Variants in PDLIM5 observed in about 807,000 individuals in gnomAD.
PDLIM5 encodes the protein PDZ and LIM domain protein 5.
PDLIM5 carries 34 observed loss-of-function variants against 64.2 expected under a neutral mutation model. The observed-to-expected ratio is 0.53, with a 90% CI of 0.40 to 0.71. The LOEUF (loss-of-function observed/expected upper bound fraction) is 0.71. Among genes scored for constraint, PDLIM5 ranks in the 30% least tolerant of loss-of-function variants. PDLIM5 has a pLI of 0.00. For missense variants in PDLIM5, 683 were observed against 733.6 expected (o/e 0.93, Z 0.80); for synonymous variants, 253 against 269.1 (o/e 0.94, Z 0.59).
At chr4:94,483,488 T>C (rs1033621028) in intron 2 of PDLIM5, among the ~76,000 whole-genome samples, 2 of 152,176 alleles carry the variant, frequency 1.3e-5, no homozygotes, top group East Asian at 3.8e-4. Flanking sequence ...AAAGTTTGTT[T>C]GAATCAGGAC....
intron 1 of PDLIM5, among the ~76,000 whole-genome samples, chr4:94,454,847 C>G (rs1343223687): frequency 6.6e-6 from 1 of 152,146 alleles, no homozygotes; most frequent in Non-Finnish European, 1.5e-5. Flanking sequence ...AGACTCTTGT[C>G]AATTGCAGAC....
chr4:94,606,633 C>T (rs1161013626), intron 7 of PDLIM5, among the ~76,000 whole-genome samples: 1 of 152,182 alleles, frequency 6.6e-6, no homozygotes, highest in Admixed American at 6.5e-5. Context: ...AAGGTCTAAG[C>T]AACAGACATG....
chr4:94,509,300 G>A (rs1055569459), intron 2 of PDLIM5, among the ~76,000 whole-genome samples: 3 of 151,992 alleles, frequency 2.0e-5, no homozygotes, highest in African/African-American at 7.3e-5. Flanking sequence ...ACTTAAAATA[G>A]CATTTCTTGG....
chr4:94,619,660 G>A (rs1027717831), intron 8 of PDLIM5, among the ~76,000 whole-genome samples: 1 of 152,000 alleles, frequency 6.6e-6, no homozygotes, highest in South Asian at 2.1e-4. Context: ...AGAGAGACAG[G>A]ATCTCACTCT....
intron 2 of PDLIM5, among the ~76,000 whole-genome samples, chr4:94,486,986 G>C (rs920304837): frequency 6.6e-6 from 1 of 152,158 alleles, no homozygotes; most frequent in Admixed American, 6.5e-5. Context: ...CTGGGCAACA[G>C]AGTAAGACCC....
intron 7 of PDLIM5, among the ~76,000 whole-genome samples, chr4:94,612,911 AAATAT>A: frequency 6.6e-6 from 1 of 150,932 alleles, no homozygotes; most frequent in South Asian, 2.1e-4. Flanking sequence ...TTTTCCATTA[AAATAT>A]ATTTTTCCAT....
intron 8 of PDLIM5, among the ~76,000 whole-genome samples, chr4:94,636,736 C>T (rs1023812087): frequency 2.6e-5 from 4 of 151,898 alleles, no homozygotes; most frequent in African/African-American, 4.8e-5. Context: ...GGGGTTTCAC[C>T]GTGTTAGCCA....
chr4:94,575,684 A>G lies in PDLIM5; in HGVS notation c.360A>G (p.Thr120=). 1 of 1,613,378 alleles carries G rather than the reference A, an allele frequency of 6.2e-7. No individual in the cohort carries two copies. Among genetic ancestry groups the G allele is most frequent in the Non-Finnish European group, 8.5e-7 (1 of 1,179,524 alleles). The change falls in exon 5 of 13, where the codon ACA becomes ACG. Residue 120 remains threonine, a synonymous_variant. Transcript: ENST00000317968. ...CTGCTGTGTCCAAAGTCACTTCCAC[A>G]AACAACATGGCCTACAATAAGGCAC... The part of the protein sequence containing the change: ...TSPAVSKVTS[T]NNMAYNKAPR...
chr4:94,622,492 A>G (rs1311465852), intron 8 of PDLIM5, among the ~76,000 whole-genome samples: 11 of 152,194 alleles, frequency 7.2e-5, no homozygotes, highest in Admixed American at 6.5e-5. Context: ...AATATAAGCA[A>G]TGCTTTGATA....
At chr4:94,500,272 C>T (rs1388583374) in intron 2 of PDLIM5, among the ~76,000 whole-genome samples, 1 of 152,188 alleles carries the variant, frequency 6.6e-6, no homozygotes, top group African/African-American at 2.4e-5. Context: ...GTTTCTGCAC[C>T]TGTTAGCAAA....
chr4:94,600,482 G>T (rs1031036407), intron 7 of PDLIM5, among the ~76,000 whole-genome samples: 2 of 152,136 alleles, frequency 1.3e-5, no homozygotes, highest in African/African-American at 4.8e-5. Flanking sequence ...TTTCAAACAG[G>T]TAACTTGACT....
At chr4:94,628,088 G>A (rs1285549874) in intron 8 of PDLIM5, among the ~76,000 whole-genome samples, 10 of 152,116 alleles carry the variant, frequency 6.6e-5, no homozygotes, top group Non-Finnish European at 5.9e-5. Flanking sequence ...CAGATTCAAG[G>A]AAGTATAAGT....
intron 2 of PDLIM5, among the ~76,000 whole-genome samples, chr4:94,458,340 G>A (rs1723563501): frequency 6.6e-6 from 1 of 151,922 alleles, no homozygotes; most frequent in African/African-American, 2.4e-5. Flanking sequence ...CTTTAATAAT[G>A]CACATGAAAT....
At chr4:94,579,085 C>T (rs998194350) in intron 5 of PDLIM5, 3 of 152,130 alleles carry the variant, frequency 2.0e-5, no homozygotes, top group Admixed American at 1.3e-4. Flanking sequence ...TACATAACGT[C>T]GATATTTTTA....
At chr4:94,643,181 T>C (rs1741140536) in intron 9 of PDLIM5, among the ~76,000 whole-genome samples, 1 of 152,194 alleles carries the variant, frequency 6.6e-6, no homozygotes, top group African/African-American at 2.4e-5. Flanking sequence ...CGTAATCTTA[T>C]TTGGATCTAA....
At chr4:94,624,393 C>T (rs936779823) in intron 8 of PDLIM5, among the ~76,000 whole-genome samples, 20 of 152,194 alleles carry the variant, frequency 1.3e-4, no homozygotes, top group South Asian at 4.1e-4. Context: ...AATGTGGGAT[C>T]GCCCATTTTG....
At chr4:94,521,591 G>A (rs117185018) in intron 2 of PDLIM5, among the ~76,000 whole-genome samples, 2 of 151,190 alleles carry the variant, frequency 1.3e-5, no homozygotes, top group Non-Finnish European at 2.9e-5. Flanking sequence ...TGAACGTCTT[G>A]AGATGATAGC....
chr4:94,517,081 A>G (rs1164954047), intron 2 of PDLIM5, among the ~76,000 whole-genome samples: 2 of 152,200 alleles, frequency 1.3e-5, no homozygotes, highest in South Asian at 2.1e-4. Flanking sequence ...GGGACATCAC[A>G]TCACACATTT....
chr4:94,599,520 T>C (rs1737324509), intron 7 of PDLIM5, among the ~76,000 whole-genome samples: 1 of 152,152 alleles, frequency 6.6e-6, no homozygotes, highest in Admixed American at 6.6e-5. Context: ...GTTGTACTTG[T>C]TGATGAAAAA....
Sources: allele counts gnomAD v4.1 joint callset (sites outside exome capture counted in the v4.1 genomes callset), GRCh38; gene constraint gnomAD v4.1.1; transcripts MANE v1.5; gene names NCBI Gene and HGNC (gene_info 2026-07-23, HGNC 2026-07-21).